Variants in KHDRBS2 observed in about 807,000 individuals in gnomAD.
The protein encoded by KHDRBS2 is KH domain-containing, RNA-binding, signal transduction-associated protein 2.
In KHDRBS2, 26 loss-of-function variants were observed where a neutral mutation model predicts 44.3. The ratio of observed to expected loss-of-function variants is 0.59; its 90% CI spans 0.43 to 0.81. KHDRBS2 has a LOEUF of 0.81. Among genes scored for constraint, KHDRBS2 ranks in the 40% least tolerant of loss-of-function variants. The pLI is 0.00. For missense variants in KHDRBS2, 476 were observed against 433.1 expected (o/e 1.10, Z -0.88); for synonymous variants, 194 against 151.1 (o/e 1.28, Z -2.08).
intron 6 of KHDRBS2, among the ~76,000 whole-genome samples, chr6:61,841,261 C>T (rs1583105418): frequency 6.6e-6 from 1 of 152,052 alleles, no homozygotes; most frequent in East Asian, 1.9e-4. Context: ...TTTGCATGGT[C>T]CTAAACTCTT....
intron 6 of KHDRBS2, among the ~76,000 whole-genome samples, chr6:61,879,056 T>A (rs1344235668): frequency 1.3e-5 from 2 of 152,018 alleles, no homozygotes; most frequent in African/African-American, 4.8e-5. Context: ...CCTAGTCTTT[T>A]CTATCCTGAC....
intron 2 of KHDRBS2, among the ~76,000 whole-genome samples, chr6:62,056,253 T>C (rs144179379): frequency 0.011 from 1,692 of 151,946 alleles, 14 homozygotes; most frequent in Non-Finnish European, 0.016. Flanking sequence ...GAATTACTCA[T>C]AACTATATAA....
the KHDRBS2 span, among the ~76,000 whole-genome samples, chr6:61,574,955 A>G: frequency 6.6e-6 from 1 of 152,170 alleles, no homozygotes; most frequent in African/African-American, 2.4e-5. Context: ...CTCACCCTAT[A>G]CAAATGTCAA....
chr6:61,984,070 T>C (rs1774531678), intron 3 of KHDRBS2, among the ~76,000 whole-genome samples: 1 of 152,180 alleles, frequency 6.6e-6, no homozygotes, highest in Non-Finnish European at 1.5e-5. Flanking sequence ...AAAAGATTTA[T>C]TGCTGAAACA....
chr6:62,241,681 T>C (rs1245114748), intron 1 of KHDRBS2, among the ~76,000 whole-genome samples: 1 of 152,114 alleles, frequency 6.6e-6, no homozygotes, highest in African/African-American at 2.4e-5. Flanking sequence ...TACTGAAATA[T>C]ATTATGTCTA....
chr6:61,904,104 C>T (rs931212841), intron 4 of KHDRBS2, among the ~76,000 whole-genome samples: 3 of 152,208 alleles, frequency 2.0e-5, no homozygotes, highest in Admixed American at 1.3e-4. Flanking sequence ...CAGGAGCGTA[C>T]TTCAGCAGCC....
At chr6:62,242,521 G>A (rs769733400) in intron 1 of KHDRBS2, among the ~76,000 whole-genome samples, 1 of 151,956 alleles carries the variant, frequency 6.6e-6, no homozygotes, top group Admixed American at 6.6e-5. Context: ...ATGGCCAAAT[G>A]CCCCCTGGGA....
chr6:61,553,992 A>G, the KHDRBS2 span, among the ~76,000 whole-genome samples: 1 of 151,990 alleles, frequency 6.6e-6, no homozygotes, highest in East Asian at 1.9e-4. Flanking sequence ...TGTGGGTGGA[A>G]TGTTTTGTAG....
At position 61,694,403 on chromosome 6, in the gene KHDRBS2, G is replaced by A. The variant is rs116958887; in HGVS notation, c.952+2792C>T. Reference sequence around the variant, plus strand: ...ATAGCAGAAACCAAGGAGGGACAATGTCCACCCTGTACATCATCATGTTCT... The same window carrying A: ...ATAGCAGAAACCAAGGAGGGACAATATCCACCCTGTACATCATCATGTTCT... On this transcript the variant is annotated intron_variant, in intron 8 of 8. Coordinates refer to ENST00000281156, the MANE Select transcript of KHDRBS2 (RefSeq NM_152688.4). 5.3e-4 allele frequency among the ~76,000 whole-genome samples: 80 copies of A among 152,262 alleles called. 1 individual carries two copies. The East Asian group carries it at 0.014, about 27-fold the overall frequency.
chr6:62,099,296 A>T (rs1801329113), intron 2 of KHDRBS2, among the ~76,000 whole-genome samples: 1 of 152,100 alleles, frequency 6.6e-6, no homozygotes, highest in African/African-American at 2.4e-5. Context: ...AGAGATTCTA[A>T]ACAGGCTAAT....
At chr6:61,760,684 T>C (rs1779149085) in intron 6 of KHDRBS2, among the ~76,000 whole-genome samples, 1 of 152,084 alleles carries the variant, frequency 6.6e-6, no homozygotes, top group Non-Finnish European at 1.5e-5. Flanking sequence ...AGCAATGGAA[T>C]AGAAAATTAT....
chr6:61,645,492 A>G, the KHDRBS2 span, among the ~76,000 whole-genome samples: 1 of 149,692 alleles, frequency 6.7e-6, no homozygotes, highest in South Asian at 2.1e-4. Context: ...ACAAAAACAT[A>G]AAACAACAAC....
chr6:62,010,468 A>T (rs1780093961), intron 3 of KHDRBS2, among the ~76,000 whole-genome samples: 1 of 152,094 alleles, frequency 6.6e-6, no homozygotes, highest in Non-Finnish European at 1.5e-5. Flanking sequence ...GGAAGGCATG[A>T]TTGGTTTTGA....
chr6:61,556,193 G>A, the KHDRBS2 span, among the ~76,000 whole-genome samples: 11 of 152,290 alleles, frequency 7.2e-5, no homozygotes, highest in Middle Eastern at 3.4e-3. Flanking sequence ...GCATGGTGCT[G>A]GCCACCTTTG....
At chr6:61,647,841 A>G in the KHDRBS2 span, among the ~76,000 whole-genome samples, 2 of 152,078 alleles carry the variant, frequency 1.3e-5, no homozygotes, top group Non-Finnish European at 2.9e-5. Context: ...TTCTACCTTA[A>G]TCAGTAAATG....
At chr6:61,563,491 T>A in the KHDRBS2 span, among the ~76,000 whole-genome samples, 1 of 152,110 alleles carries the variant, frequency 6.6e-6, no homozygotes, top group African/African-American at 2.4e-5. Context: ...ATTCCTAATC[T>A]TGGGTTGAAT....
At chr6:62,066,731 C>T (rs560054906) in intron 2 of KHDRBS2, among the ~76,000 whole-genome samples, 2 of 151,636 alleles carry the variant, frequency 1.3e-5, no homozygotes, top group East Asian at 3.9e-4. Flanking sequence ...TTCTAGGGGA[C>T]ATAGAAGCAA....
intron 6 of KHDRBS2, among the ~76,000 whole-genome samples, chr6:61,846,331 A>G (rs1332921148): frequency 6.6e-6 from 1 of 152,228 alleles, no homozygotes; most frequent in East Asian, 1.9e-4. Flanking sequence ...GTATAAGTAA[A>G]TCTATCATAT....
intron 7 of KHDRBS2, among the ~76,000 whole-genome samples, chr6:61,731,387 G>A (rs1196529044): frequency 6.6e-6 from 1 of 152,040 alleles, no homozygotes; most frequent in East Asian, 1.9e-4. Flanking sequence ...CAGTGTCAGC[G>A]ATGGTCATTT....
Sources: allele counts gnomAD v4.1 joint callset (sites outside exome capture counted in the v4.1 genomes callset), GRCh38; gene constraint gnomAD v4.1.1; transcripts MANE v1.5; gene names NCBI Gene and HGNC (gene_info 2026-07-23, HGNC 2026-07-21).